The following ANXA8 variants were observed in gnomAD, a reference collection of about 807,000 sequenced individuals.
The protein encoded by ANXA8 is VAC-beta.
ANXA8 carries 9 observed loss-of-function variants against 26.8 expected under a neutral mutation model. That is an observed-to-expected ratio of 0.34 (90% confidence interval 0.20 to 0.59). The LOEUF (loss-of-function observed/expected upper bound fraction) is 0.59, where lower values mean the gene tolerates loss of function less well. Ranked by LOEUF, ANXA8 falls within the 20% of genes least tolerant of loss-of-function variation. The pLI is 0.84. For synonymous variants in ANXA8, 39 were observed against 94.8 expected (o/e 0.41, Z 3.42); for missense variants, 83 against 238.5 (o/e 0.35, Z 4.29).
chr10:47,693,292 CT>C, the ANXA8 span, among the ~76,000 whole-genome samples: 281 of 140,644 alleles, frequency 2.0e-3, 1 homozygote, highest in South Asian at 4.0e-3. Flanking sequence ...CAAGTACAAT[CT>C]TTTTTTTTTT....
the ANXA8 span, chr10:47,706,730 A>G: frequency 6.8e-7 from 1 of 1,473,984 alleles, no homozygotes. Flanking sequence ...GCAGCTTCAC[A>G]AGGCAAGTCT....
chr10:47,944,845 G>C, the ANXA8 span, among the ~76,000 whole-genome samples: 1 of 147,208 alleles, frequency 6.8e-6, no homozygotes, highest in Non-Finnish European at 1.5e-5. Context: ...TACATCTCCT[G>C]ACAGCCTGGG....
chr10:47,636,881 T>TTTGGTAACA, the ANXA8 span, among the ~76,000 whole-genome samples: 1 of 150,540 alleles, frequency 6.6e-6, no homozygotes, highest in Non-Finnish European at 1.5e-5. Context: ...ATATAGCCAC[T>TTTGGTAACA]CATTCATTCT....
the ANXA8 span, among the ~76,000 whole-genome samples, chr10:47,676,904 G>A: frequency 1.4e-5 from 2 of 146,598 alleles, no homozygotes; most frequent in Non-Finnish European, 3.0e-5. Flanking sequence ...TGTCGACAGA[G>A]CGAGACTCAG....
chr10:47,558,104 A>T, the ANXA8 span, among the ~76,000 whole-genome samples: 3 of 151,902 alleles, frequency 2.0e-5, no homozygotes, highest in Non-Finnish European at 4.4e-5. Flanking sequence ...ATTCTTTGGA[A>T]ACATCTGGAT....
chr10:47,684,345 T>A, the ANXA8 span, among the ~76,000 whole-genome samples: 2 of 151,410 alleles, frequency 1.3e-5, no homozygotes, highest in Non-Finnish European at 2.9e-5. Context: ...TTAGTAGCAG[T>A]AGCCTTTGAT....
chr10:47,680,179 G>T, the ANXA8 span, among the ~76,000 whole-genome samples: 11 of 151,408 alleles, frequency 7.3e-5, no homozygotes, highest in Non-Finnish European at 2.9e-5. Context: ...TAGCCAGGCT[G>T]GTCTCAAACT....
the ANXA8 span, chr10:47,762,967 C>A: frequency 6.2e-6 from 8 of 1,297,252 alleles, no homozygotes; most frequent in Admixed American, 3.6e-5. Context: ...GGGCTCCCTG[C>A]GGCTTGGGGC....
At chr10:47,495,757 G>A in the ANXA8 span, among the ~76,000 whole-genome samples, 79 of 147,984 alleles carry the variant, frequency 5.3e-4, no homozygotes, top group Non-Finnish European at 8.5e-4. Flanking sequence ...GGGAAGCCAC[G>A]TAAACCCAAA....
At chr10:47,469,334 G>A (rs1337548739) in intron 11 of ANXA8, among the ~76,000 whole-genome samples, 2 of 151,952 alleles carry the variant, frequency 1.3e-5, no homozygotes, top group African/African-American at 2.4e-5. Flanking sequence ...CAGGGCCGGG[G>A]GTGGAGGGAG....
the ANXA8 span, among the ~76,000 whole-genome samples, chr10:47,733,207 T>TCTCTCTCTCTCTC: frequency 1.2e-4 from 11 of 90,026 alleles, no homozygotes; most frequent in Admixed American, 3.6e-4. Flanking sequence ...CTTTCTTTCT[T>TCTCTCTCTCTCTC]TCTTTCTTTC....
the ANXA8 span, among the ~76,000 whole-genome samples, chr10:47,742,888 C>A: frequency 4.2e-5 from 6 of 142,876 alleles, no homozygotes; most frequent in Non-Finnish European, 9.2e-5. Flanking sequence ...GGCGCAGTGG[C>A]TCACGCCTGT....
the ANXA8 span, among the ~76,000 whole-genome samples, chr10:47,651,091 C>G: frequency 1.3e-5 from 2 of 151,296 alleles, no homozygotes; most frequent in South Asian, 2.1e-4. Flanking sequence ...TCCAGCTAGT[C>G]GAGAAGCTGA....
the ANXA8 span, among the ~76,000 whole-genome samples, chr10:47,590,663 A>G: frequency 6.8e-6 from 1 of 146,100 alleles, no homozygotes; most frequent in East Asian, 1.9e-4. Flanking sequence ...CCACTCTAGT[A>G]ACTGGAGAGC....
the ANXA8 span, among the ~76,000 whole-genome samples, chr10:47,695,959 A>G: frequency 0.34 from 51,643 of 151,070 alleles, 9,208 homozygotes; most frequent in East Asian, 0.53. Context: ...ATAATCAAGT[A>G]TGTTAAGAAT....
the ANXA8 span, among the ~76,000 whole-genome samples, chr10:47,960,025 G>T: frequency 1.4e-5 from 2 of 147,852 alleles, no homozygotes; most frequent in Non-Finnish European, 3.0e-5. Flanking sequence ...AGCCCTGTCG[G>T]GCCTTTGGAT....
At position 47,476,541 on chromosome 10, in the gene ANXA8, G is replaced by A. The variant is rs1224125118; in HGVS notation, c.322-219C>T. Among the ~76,000 whole-genome samples, 2 of 120,648 alleles carry A rather than the reference G, an allele frequency of 1.7e-5. 1 individual carries two copies. Among genetic ancestry groups the A allele is most frequent in the Non-Finnish European group, 3.5e-5 (2 of 57,420 alleles). The allele number at this position is 120,648 out of a possible 152,430, so 79.1% of individuals were successfully genotyped here. On this transcript the variant is annotated intron_variant, in intron 4 of 11. Coordinates refer to ENST00000585281, the MANE Select transcript of ANXA8 (RefSeq NM_001040084.3). ...CTGTCTCAGCTCTCCCTCCTTAGCT[G>A]GGTGGTCTCAGACAGGCTGCTCCAT... is the stretch of plus-strand genomic sequence containing the variant.
chr10:47,957,954 G>T, the ANXA8 span, among the ~76,000 whole-genome samples: 4 of 150,528 alleles, frequency 2.7e-5, 1 homozygote, highest in Non-Finnish European at 2.9e-5. Context: ...GGCAAAGTCA[G>T]GATGAACTTA....
chr10:47,661,885 G>A, the ANXA8 span, among the ~76,000 whole-genome samples: 2 of 147,802 alleles, frequency 1.4e-5, no homozygotes, highest in Non-Finnish European at 2.9e-5. Flanking sequence ...TATTTTAGAA[G>A]GTGACTTTCT....
Sources: gnomAD v4.1 joint callset for allele counts (sites outside exome capture counted in the v4.1 genomes callset) on GRCh38, gnomAD v4.1.1 for gene constraint, MANE v1.5 for transcripts, NCBI Gene and HGNC (gene_info 2026-07-23, HGNC 2026-07-21) for gene names.